ENOX1: variants seen among roughly 807,000 people sequenced by gnomAD.
ENOX1 encodes the protein candidate growth-related and time keeping constitutive hydroquinone (NADH) oxidase.
A neutral mutation model predicts 82.5 loss-of-function variants in ENOX1; 42 were observed. That is an observed-to-expected ratio of 0.51 (90% CI 0.40 to 0.66). ENOX1 has a LOEUF of 0.66. ENOX1 is among the 30% of genes least tolerant of loss of function. The pLI is 0.00. For synonymous variants in ENOX1, 271 were observed against 282.2 expected, an observed-to-expected ratio of 0.96 and a Z score of 0.40; for missense variants, 608 against 811.6, an observed-to-expected ratio of 0.75 and a Z score of 3.05.
intron 1 of ENOX1, among the ~76,000 whole-genome samples, chr13:43,725,089 A>G (rs1406466505): frequency 6.6e-6 from 1 of 152,212 alleles, no homozygotes; most frequent in East Asian, 1.9e-4. Context: ...ACATGATTAC[A>G]TGGATATATG....
At chr13:43,559,741 G>A (rs1050921303) in intron 2 of ENOX1, among the ~76,000 whole-genome samples, 2 of 152,132 alleles carry the variant, frequency 1.3e-5, no homozygotes, top group Non-Finnish European at 2.9e-5. Context: ...AGGTTAGCAA[G>A]ATGTGTTTAT....
chr13:43,689,630 A>T (rs2086253717), intron 1 of ENOX1, among the ~76,000 whole-genome samples: 1 of 152,130 alleles, frequency 6.6e-6, no homozygotes, highest in Admixed American at 6.6e-5. Flanking sequence ...CATAATATTC[A>T]TTTTTTCCAT....
At chr13:43,351,640 T>C (rs913396898) in intron 8 of ENOX1, among the ~76,000 whole-genome samples, 27 of 139,182 alleles carry the variant, frequency 1.9e-4, no homozygotes, top group African/African-American at 5.6e-4. Context: ...TGTGATCTCA[T>C]TGTTCAATTC....
At position 43,361,405 on chromosome 13, in the gene ENOX1, C is replaced by T. The variant is rs2050495864; in HGVS notation, c.256G>A (p.Gly86Arg). ...GFDPSLNMMTGITPINPMIPG... is the reference protein window; with the variant it reads ...GFDPSLNMMTRITPINPMIPG... ...ATCATTGGGTTAATGGGGGTGATTC[C>T]AGTCATCATGTTGAGGCTTGGATCA... Residue 86 changes from glycine (G) to arginine (R), a missense_variant, in exon 6 of 17, where the codon GGA (glycine) becomes AGA (arginine). Coordinates refer to ENST00000690772, the MANE Select transcript of ENOX1 (RefSeq NM_001347969.2). The T allele has an allele frequency of 2.9e-5, 46 of 1,613,172 alleles. No individual in the cohort carries two copies. The highest frequency in any genetic ancestry group is 3.8e-5 in the Non-Finnish European group (45 of 1,179,810).
chr13:43,510,517 T>C (rs990613952), intron 2 of ENOX1, among the ~76,000 whole-genome samples: 36 of 152,134 alleles, frequency 2.4e-4, no homozygotes, highest in Admixed American at 9.8e-4. Flanking sequence ...AATTAAATTC[T>C]AAAAGGTGAG....
intron 3 of ENOX1, among the ~76,000 whole-genome samples, chr13:43,427,639 C>T (rs2055399729): frequency 6.6e-6 from 1 of 152,152 alleles, no homozygotes; most frequent in Non-Finnish European, 1.5e-5. Flanking sequence ...CTGTATGTAG[C>T]ACTGTGCTTG....
chr13:43,282,818 C>A (rs1471649616), intron 12 of ENOX1, among the ~76,000 whole-genome samples: 3 of 150,610 alleles, frequency 2.0e-5, no homozygotes, highest in East Asian at 2.0e-4. Context: ...ATTGGCCAGG[C>A]GCGGTGGCTT....
At chr13:43,274,092 C>G (rs2044857965) in intron 12 of ENOX1, among the ~76,000 whole-genome samples, 1 of 152,174 alleles carries the variant, frequency 6.6e-6, no homozygotes, top group Non-Finnish European at 1.5e-5. Flanking sequence ...ATGTATTGTT[C>G]TAAACATATG....
At chr13:43,250,851 A>G (rs945975607) in intron 14 of ENOX1, among the ~76,000 whole-genome samples, 2 of 152,252 alleles carry the variant, frequency 1.3e-5, no homozygotes, top group African/African-American at 4.8e-5. Context: ...TAAATACAGT[A>G]TGATATAAGC....
intron 2 of ENOX1, among the ~76,000 whole-genome samples, chr13:43,522,267 A>G (rs1315684650): frequency 6.6e-6 from 1 of 152,174 alleles, no homozygotes; most frequent in Non-Finnish European, 1.5e-5. Flanking sequence ...TGAATTAAAT[A>G]CCACTCTGGG....
chr13:43,248,161 AG>A (rs1230207303), intron 14 of ENOX1, among the ~76,000 whole-genome samples: 1 of 151,624 alleles, frequency 6.6e-6, no homozygotes, highest in East Asian at 1.9e-4. Flanking sequence ...CTGGGATTAC[AG>A]GCGTGAGCCA....
intron 2 of ENOX1, among the ~76,000 whole-genome samples, chr13:43,525,116 A>G (rs1040531338): frequency 3.9e-5 from 6 of 152,260 alleles, no homozygotes; most frequent in South Asian, 4.1e-4. Flanking sequence ...AAACACACTT[A>G]ACAAAATTTA....
chr13:43,305,257 T>C (rs1475127329), intron 11 of ENOX1, among the ~76,000 whole-genome samples: 1 of 31,230 alleles, frequency 3.2e-5, no homozygotes, highest in Admixed American at 5.9e-4. Context: ...CAATAATACC[T>C]GTATCACCAC....
chr13:43,709,604 TGAG>T (rs1001951472), intron 1 of ENOX1, among the ~76,000 whole-genome samples: 8 of 150,074 alleles, frequency 5.3e-5, no homozygotes, highest in South Asian at 4.2e-4. Flanking sequence ...AGGAAGAAGA[TGAG>T]GAGGAGAGAA....
chr13:43,754,337 ATT>A (rs1950527225), intron 1 of ENOX1, among the ~76,000 whole-genome samples: 1 of 127,840 alleles, frequency 7.8e-6, no homozygotes, highest in Non-Finnish European at 1.7e-5. Flanking sequence ...ATATATATAT[ATT>A]ATTATTATTA....
intron 3 of ENOX1, among the ~76,000 whole-genome samples, chr13:43,469,181 C>T (rs761204517): frequency 6.6e-6 from 1 of 152,010 alleles, no homozygotes; most frequent in Non-Finnish European, 1.5e-5. Flanking sequence ...TATCATGAAA[C>T]GGATTTTGTC....
chr13:43,717,197 C>A (rs1448863887), intron 1 of ENOX1, among the ~76,000 whole-genome samples: 1 of 152,118 alleles, frequency 6.6e-6, no homozygotes, highest in African/African-American at 2.4e-5. Flanking sequence ...AAAAGATACA[C>A]AGACCAACAG....
At chr13:43,740,349 CTT>C (rs148142399) in intron 1 of ENOX1, among the ~76,000 whole-genome samples, 1 of 149,206 alleles carries the variant, frequency 6.7e-6, no homozygotes, top group African/African-American at 2.4e-5. Flanking sequence ...ACCAATTTAC[CTT>C]TTTTTTTTAA....
chr13:43,718,604 G>C (rs1214962321), intron 1 of ENOX1, among the ~76,000 whole-genome samples: 1 of 133,144 alleles, frequency 7.5e-6, no homozygotes, highest in African/African-American at 2.8e-5. Flanking sequence ...GTGAACCCAG[G>C]AGGCGGAGCT....
Sources: allele counts gnomAD v4.1 joint callset (sites outside exome capture counted in the v4.1 genomes callset), GRCh38; gene constraint gnomAD v4.1.1; transcripts MANE v1.5; gene names NCBI Gene and HGNC (gene_info 2026-07-23, HGNC 2026-07-21).